The following ZNF461 variants were observed in gnomAD, a reference collection of about 807,000 sequenced individuals.
ZNF461 encodes the protein zinc finger protein 461.
ZNF461 carries 16 observed loss-of-function variants against 18.3 expected under a neutral mutation model. The observed-to-expected ratio is 0.88, with a 90% CI of 0.59 to 1.33. The LOEUF (loss-of-function observed/expected upper bound fraction) is 1.33, where lower values mean the gene tolerates loss of function less well. ZNF461 is among the 40% of genes most tolerant of loss of function. The pLI is 0.00. For missense variants in ZNF461, 595 were observed against 669.9 expected, an observed-to-expected ratio of 0.89 and a Z score of 1.23; for synonymous variants, 179 against 216.9, an observed-to-expected ratio of 0.83 and a Z score of 1.54.
Position 36,646,957 on chromosome 19 carries a change from G to C in ZNF461, c.233-3095C>G, listed in dbSNP as rs73929130. 7.7e-3 allele frequency among the ~76,000 whole-genome samples: 1,168 copies of C among 152,214 alleles called. 14 individuals carry two copies. The highest frequency in any genetic ancestry group is 0.026 in the African/African-American group (1,092 of 41,526). ...ATCTACATATGCAAGAGCTCTTGGG[G>C]TTCTCAATAGTTTTTAAGAATATAA... On this transcript the variant is annotated intron_variant, in intron 4 of 5. Transcript: ENST00000588268.
chr19:36,643,925 G>A lies in ZNF461; in HGVS notation c.233-63C>T. 2.4e-6 allele frequency: 3 copies of A among 1,269,466 alleles called. No individual in the cohort carries two copies. In the South Asian group the frequency reaches 5.1e-5, roughly 22 times the overall value. The allele number at this position is 1,269,466 out of a possible 1,614,324, so 78.6% of individuals were successfully genotyped here. Reference sequence around the variant, plus strand: ...ATAATATTTTATTATACAATAAAAAGAGAATATCTATTTCTTTTTCTTTTT... The same window carrying A: ...ATAATATTTTATTATACAATAAAAAAAGAATATCTATTTCTTTTTCTTTTT... On this transcript the variant is annotated intron_variant, in intron 4 of 5. Transcript: ENST00000588268.
Position 36,638,393 on chromosome 19 carries a change from A to G in ZNF461, c.*260T>C, listed in dbSNP as rs1266120797. The G allele has an allele frequency of 2.0e-5, 6 of 293,856 alleles. No individual in the cohort carries two copies. Among genetic ancestry groups the G allele is most frequent in the Non-Finnish European group, 3.8e-5 (6 of 159,608 alleles). 18.2% of individuals were successfully genotyped at this position (293,856 alleles called of 1,614,324 possible). A position where few individuals can be genotyped will look rare whatever the true frequency, so the allele number is the denominator to read the frequency against. ...TTTTATTTCACTGTTTCAGTGAAAT[A>G]TTTCACTGGTTTCAGTGAAACATGT... On this transcript the variant is annotated 3_prime_UTR_variant, in exon 6 of 6. Coordinates refer to ENST00000588268, the MANE Select transcript of ZNF461 (RefSeq NM_153257.5).
intron 4 of ZNF461, among the ~76,000 whole-genome samples, chr19:36,652,616 A>G (rs751022182): frequency 6.6e-6 from 1 of 152,102 alleles, no homozygotes. Flanking sequence ...ACATACACAC[A>G]CCAAAAACAC....
chr19:36,656,506 C>T lies in ZNF461; in HGVS notation c.174G>A (p.Leu58=). The stretch of plus-strand genomic sequence containing the variant: ...CCATCCAGGGCTCCTTCCCTTGCTC[C>T]AATGAGGAGATTACGGCTGGCTTAG... The part of the protein sequence containing the change: ...SVSKPAVISS[L]EQGKEPWMVV... The change falls in exon 4 of 6, where the codon TTG becomes TTA. Residue 58 remains leucine (L), a synonymous_variant. Coordinates refer to ENST00000588268, the MANE Select transcript of ZNF461 (RefSeq NM_153257.5). The T allele has an allele frequency of 3.1e-6, 5 of 1,614,016 alleles. No homozygotes were observed. Among genetic ancestry groups the T allele is most frequent in the Non-Finnish European group, 4.2e-6 (5 of 1,180,022 alleles).
At chr19:36,661,968 C>T (rs1247385938) in intron 2 of ZNF461, among the ~76,000 whole-genome samples, 2 of 152,026 alleles carry the variant, frequency 1.3e-5, no homozygotes, top group African/African-American at 2.4e-5. Flanking sequence ...CTCCCGGGTT[C>T]AAGTGATTCT....
chr19:36,661,251 C>T (rs1410619880), intron 2 of ZNF461, among the ~76,000 whole-genome samples: 3 of 151,124 alleles, frequency 2.0e-5, no homozygotes, highest in Non-Finnish European at 4.4e-5. Context: ...GGAATCCAGC[C>T]TGGGAAACAG....
chr19:36,657,946 A>T (rs2037752616), intron 3 of ZNF461: 1 of 193,520 alleles, frequency 5.2e-6, no homozygotes, highest in Non-Finnish European at 1.0e-5. Context: ...TCTAGTTTTA[A>T]TCTTATGCTA....
At chr19:36,652,087 T>A (rs1354391062) in intron 4 of ZNF461, among the ~76,000 whole-genome samples, 1 of 152,144 alleles carries the variant, frequency 6.6e-6, no homozygotes, top group Non-Finnish European at 1.5e-5. Flanking sequence ...GGATAACTTT[T>A]AAATAAATGC....
intron 4 of ZNF461, among the ~76,000 whole-genome samples, chr19:36,649,252 C>T (rs1027060954): frequency 7.9e-5 from 12 of 152,172 alleles, no homozygotes; most frequent in Non-Finnish European, 1.0e-4. Context: ...AATTATCTGA[C>T]AAAGACTTTA....
At chr19:36,652,496 G>C (rs1254565043) in intron 4 of ZNF461, among the ~76,000 whole-genome samples, 1 of 119,150 alleles carries the variant, frequency 8.4e-6, no homozygotes, top group Non-Finnish European at 1.7e-5. Context: ...GCAAGACTCC[G>C]TCTCAAAAAA....
chr19:36,659,703 G>A (rs1380665601), intron 2 of ZNF461, among the ~76,000 whole-genome samples: 2 of 152,168 alleles, frequency 1.3e-5, no homozygotes, highest in African/African-American at 2.4e-5. Context: ...GGTCTTAACT[G>A]TTATCATCCA....
chr19:36,658,220 G>T, intron 3 of ZNF461, 79 bp downstream of exon 3: 1 of 1,448,258 alleles, frequency 6.9e-7, no homozygotes, highest in Non-Finnish European at 9.3e-7. Flanking sequence ...AGGGGGGAAA[G>T]CAGAAATTCC....
rs368417117 is a variant in ZNF461 at position 36,637,159 on chromosome 19, T to A, written c.*1494A>T. The A allele has an allele frequency of 6.6e-6, 1 of 152,174 alleles. No individual in the cohort carries two copies. Among genetic ancestry groups the A allele is most frequent in the African/African-American group, 2.4e-5 (1 of 41,450 alleles). 9.4% of individuals were successfully genotyped at this position (152,174 alleles called of 1,614,324 possible). Reference sequence around the variant, plus strand: ...CCAATAAATTGCATGTTAGAATGCATGTTAACATTATCTATTGGTTGTGTT... The same window carrying A: ...CCAATAAATTGCATGTTAGAATGCAAGTTAACATTATCTATTGGTTGTGTT... On this transcript the variant is annotated 3_prime_UTR_variant, in exon 6 of 6. Coordinates refer to ENST00000588268, the MANE Select transcript of ZNF461 (RefSeq NM_153257.5).
chr19:36,639,986 G>A lies in ZNF461; in HGVS notation c.359C>T (p.Thr120Ile). 6.2e-7 allele frequency: 1 copy of A among 1,613,510 alleles called. No homozygotes were observed. The highest frequency in any genetic ancestry group is 8.5e-7 in the Non-Finnish European group (1 of 1,179,726). The change falls in exon 6 of 6, where the codon ACA becomes ATA. Residue 120 changes from threonine (T) to isoleucine (I), a missense_variant. Coordinates refer to ENST00000588268, the MANE Select transcript of ZNF461 (RefSeq NM_153257.5). The stretch of plus-strand genomic sequence containing the variant: ...CATGTTAACCCACTGGGATAATTCT[G>A]TTTCATAAATATCCCTTTTTGGAGA... ...KLSPKRDIYE[T>I]ELSQWVNMEE...
intron 3 of ZNF461, among the ~76,000 whole-genome samples, chr19:36,656,965 G>T (rs12460729): frequency 6.6e-6 from 1 of 151,718 alleles, no homozygotes; most frequent in Non-Finnish European, 1.5e-5. Flanking sequence ...GATTATAGGC[G>T]CACACCACTC....
rs780052934 is a variant in ZNF461, at chr19:36,639,357, C to T, written c.988G>A (p.Glu330Lys). 3.7e-6 allele frequency: 6 copies of T among 1,613,990 alleles called. No homozygotes were observed. In the Admixed American group the frequency reaches 1.0e-4, roughly 27 times the overall value. ...AAAGCCTTCCCACATTGCTTACATTCATAGGGTTTTTCACCAGTATGAAGT... is the reference window on the plus strand; with the variant it reads ...AAAGCCTTCCCACATTGCTTACATTTATAGGGTTTTTCACCAGTATGAAGT... ...QRLHTGEKPY[E>K]CKQCGKAFIR... Residue 330 changes from glutamate (E) to lysine (K), a missense_variant, in exon 6 of 6, where the codon GAA becomes AAA. Physicochemically the swap from Glu to Lys is moderately conservative, Grantham distance 56. Transcript: ENST00000588268.
intron 2 of ZNF461, among the ~76,000 whole-genome samples, chr19:36,658,879 G>T (rs918939187): frequency 6.6e-6 from 1 of 152,092 alleles, no homozygotes; most frequent in African/African-American, 2.4e-5. Flanking sequence ...ATTTTCCATA[G>T]ATGGACACTG....
At chr19:36,647,879 T>A (rs763614039) in intron 4 of ZNF461, among the ~76,000 whole-genome samples, 1 of 152,048 alleles carries the variant, frequency 6.6e-6, no homozygotes, top group Non-Finnish European at 1.5e-5. Context: ...TCTCATGATA[T>A]CTGGTCCTTG....
Position 36,637,442 on chromosome 19 carries a change from C to T in ZNF461, c.*1211G>A, listed in dbSNP as rs183475354. 5.5e-3 allele frequency: 842 copies of T among 152,650 alleles called. 23 individuals are homozygous for T. Among genetic ancestry groups the T allele is most frequent in the Admixed American group, 0.037 (569 of 15,290 alleles). 9.5% of individuals were successfully genotyped at this position (152,650 alleles called of 1,614,324 possible). On this transcript the variant is annotated 3_prime_UTR_variant, in exon 6 of 6. Coordinates refer to ENST00000588268, the MANE Select transcript of ZNF461 (RefSeq NM_153257.5). ...GTCTCGATCTCCTGACCTCGTGATC[C>T]GCCCGCCTCGGCCTCCCAAAGTGCT...
Sources: gnomAD v4.1 joint callset for allele counts (sites outside exome capture counted in the v4.1 genomes callset) on GRCh38, gnomAD v4.1.1 for gene constraint, MANE v1.5 for transcripts, NCBI Gene and HGNC (gene_info 2026-07-23, HGNC 2026-07-21) for gene names.